The following CATSPERT variants were observed in gnomAD, a reference collection of about 807,000 sequenced individuals.
CATSPERT encodes the protein cation channel sperm-associated targeting subunit tau.
the CATSPERT span, among the ~76,000 whole-genome samples, chr2:201,524,105 C>G: frequency 2.6e-5 from 4 of 151,910 alleles, no homozygotes; most frequent in Non-Finnish European, 5.9e-5. Flanking sequence ...ATCCCCATCC[C>G]CAAGACATAT....
At chr2:201,597,594 A>C in the CATSPERT span, among the ~76,000 whole-genome samples, 1 of 152,042 alleles carries the variant, frequency 6.6e-6, no homozygotes, top group Non-Finnish European at 1.5e-5. Context: ...TGCGGGAATC[A>C]CTGCCAGATA....
chr2:201,493,212 A>T, the CATSPERT span: 6,851 of 1,535,780 alleles, frequency 4.5e-3, 18 homozygotes, highest in Non-Finnish European at 5.5e-3. Context: ...AACTGAGATC[A>T]TTTTTGTCTT....
chr2:201,507,354 TAG>T, the CATSPERT span, among the ~76,000 whole-genome samples: 1 of 151,994 alleles, frequency 6.6e-6, no homozygotes, highest in South Asian at 2.1e-4. Flanking sequence ...ATAAAGAAAA[TAG>T]AGGTTACTGA....
At chr2:201,494,109 T>G in the CATSPERT span, 1 of 1,534,382 alleles carries the variant, frequency 6.5e-7, no homozygotes, top group Non-Finnish European at 8.7e-7. Context: ...AAGTAGTCTT[T>G]GAATTTAAAA....
the CATSPERT span, among the ~76,000 whole-genome samples, chr2:201,502,145 G>A: frequency 6.6e-6 from 1 of 152,178 alleles, no homozygotes; most frequent in Non-Finnish European, 1.5e-5. Flanking sequence ...CTGTACTTAG[G>A]AGCAGATGAA....
chr2:201,499,280 T>C, the CATSPERT span, among the ~76,000 whole-genome samples: 1 of 152,160 alleles, frequency 6.6e-6, no homozygotes, highest in Admixed American at 6.5e-5. Flanking sequence ...TCTAAATAGC[T>C]CAGAGATATT....
chr2:201,520,827 C>T, the CATSPERT span, among the ~76,000 whole-genome samples: 6 of 149,182 alleles, frequency 4.0e-5, no homozygotes, highest in South Asian at 2.1e-4. Flanking sequence ...AGGTGAAGGT[C>T]GTGGTGAGTC....
chr2:201,613,144 A>C, the CATSPERT span, among the ~76,000 whole-genome samples: 3 of 152,184 alleles, frequency 2.0e-5, no homozygotes, highest in African/African-American at 7.2e-5. Flanking sequence ...AGCTGAACAA[A>C]AGGCAGCAGA....
the CATSPERT span, among the ~76,000 whole-genome samples, chr2:201,559,583 A>C: frequency 6.6e-6 from 1 of 152,352 alleles, no homozygotes; most frequent in South Asian, 2.1e-4. Flanking sequence ...GAAACAGCCC[A>C]GTGAGACCAT....
the CATSPERT span, chr2:201,493,766 T>G: frequency 2.0e-6 from 3 of 1,536,984 alleles, no homozygotes; most frequent in African/African-American, 1.4e-5. Context: ...TCATGTACAG[T>G]GCCACTTGAA....
At chr2:201,584,521 A>C in the CATSPERT span, among the ~76,000 whole-genome samples, 1 of 152,100 alleles carries the variant, frequency 6.6e-6, no homozygotes, top group Non-Finnish European at 1.5e-5. Flanking sequence ...ATGGTGGCTC[A>C]TGCCTGTAAT....
At chr2:201,563,442 C>T in the CATSPERT span, among the ~76,000 whole-genome samples, 1 of 40,494 alleles carries the variant, frequency 2.5e-5, no homozygotes, top group Non-Finnish European at 5.0e-5. Flanking sequence ...CCCTCCCGGA[C>T]GGGGCGGCTG....
chr2:201,553,200 A>G, the CATSPERT span: 2 of 152,192 alleles, frequency 1.3e-5, no homozygotes, highest in South Asian at 4.1e-4. Context: ...GTATTCACCC[A>G]CTTATTCTCC....
chr2:201,551,272 A>G, the CATSPERT span, among the ~76,000 whole-genome samples: 1 of 151,232 alleles, frequency 6.6e-6, no homozygotes, highest in Admixed American at 6.6e-5. Flanking sequence ...TAAAATATAC[A>G]CAGATTTATT....
the CATSPERT span, among the ~76,000 whole-genome samples, chr2:201,614,489 C>T: frequency 6.6e-6 from 1 of 152,126 alleles, no homozygotes; most frequent in African/African-American, 2.4e-5. Flanking sequence ...AAATAAAATC[C>T]TTTACAGACA....
the CATSPERT span, among the ~76,000 whole-genome samples, chr2:201,594,179 G>A: frequency 6.6e-6 from 1 of 152,156 alleles, no homozygotes; most frequent in Non-Finnish European, 1.5e-5. Context: ...GCCTGGTGGT[G>A]ACAAAATCTC....
chr2:201,596,908 T>A, the CATSPERT span, among the ~76,000 whole-genome samples: 1 of 152,384 alleles, frequency 6.6e-6, no homozygotes, highest in East Asian at 1.9e-4. Flanking sequence ...TTTATGACAG[T>A]TATTTTAAAG....
At chr2:201,556,430 A>G in the CATSPERT span, among the ~76,000 whole-genome samples, 5 of 150,680 alleles carry the variant, frequency 3.3e-5, no homozygotes, top group African/African-American at 4.9e-5. Context: ...AATGGCGTGA[A>G]CCCGGGAGGC....
the CATSPERT span, among the ~76,000 whole-genome samples, chr2:201,580,029 G>A: frequency 5.3e-5 from 8 of 151,714 alleles, no homozygotes; most frequent in Non-Finnish European, 1.2e-4. Flanking sequence ...TTCTATGTGT[G>A]TAGAGACAGG....
Sources: gnomAD v4.1 joint callset for allele counts (sites outside exome capture counted in the v4.1 genomes callset) on GRCh38, gnomAD v4.1.1 for gene constraint, MANE v1.5 for transcripts, NCBI Gene and HGNC (gene_info 2026-07-23, HGNC 2026-07-21) for gene names.